Variants in ABCA7 observed in about 807,000 individuals in gnomAD.
ABCA7 encodes the protein ATP binding cassette subfamily A member 7.
A neutral mutation model predicts 227.6 loss-of-function variants in ABCA7; 261 were observed. The ratio of observed to expected loss-of-function variants is 1.15; its 90% CI spans 1.04 to 1.27. ABCA7 has a LOEUF of 1.27. Among genes scored for constraint, ABCA7 ranks in the 50% most tolerant of loss-of-function variants. The pLI is 0.00. For missense variants in ABCA7, 3,331 were observed against 2,924.5 expected (o/e 1.14, Z -3.21); for synonymous variants, 1,488 against 1,279.7 (o/e 1.16, Z -3.47).
intron 43 of ABCA7, 37 bp from the exon 44 acceptor site, chr19:1,063,723 G>T: frequency 6.4e-7 from 1 of 1,551,702 alleles, no homozygotes. Flanking sequence ...TGCGACGGAG[G>T]CGGGGCCTTG....
At position 1,048,898 on chromosome 19, in the gene ABCA7, A is replaced by G. The variant is rs765485280; in HGVS notation, c.2273A>G (p.Gln758Arg). Residue 758 changes from glutamine to arginine, a missense_variant, in exon 17 of 47, where the codon CAG (glutamine) becomes CGG (arginine). Gln to Arg is a conservative substitution (Grantham distance 43, BLOSUM62 1). Coordinates refer to ENST00000263094, the MANE Select transcript of ABCA7 (RefSeq NM_019112.4). ...TAACCCGCGCCCCTCCCCGCAGGCC[A>G]GTACGGGATCCCTGAACCATGGAAT... ...TWYLEAVCPG[Q>R]YGIPEPWNFP... 6.3e-7 allele frequency: 1 copy of G among 1,591,580 alleles called. No individual in the cohort carries two copies. Among genetic ancestry groups the G allele is most frequent in the Non-Finnish European group, 8.6e-7 (1 of 1,168,004 alleles).
Position 1,046,404 on chromosome 19 carries a change from C to T in ABCA7, c.1620C>T (p.Asp540=), listed in dbSNP as rs1555683688. Reference sequence around the variant, plus strand: ...TGCCCTATCCGTGCTATGTGGACGACGTGTGAGCTCTGGCACCCCTCCCCG... The same window carrying T: ...TGCCCTATCCGTGCTATGTGGACGATGTGTGAGCTCTGGCACCCCTCCCCG... ...QQMPYPCYVD[D]VFLRVLSRSL... is the part of the protein sequence containing the mutation. Residue 540 remains aspartate, a splice_region_variant and synonymous_variant, in exon 13 of 47, where the codon GAC becomes GAT. Transcript: ENST00000263094. 5 of 1,544,174 alleles carry T rather than the reference C, an allele frequency of 3.2e-6. No individual in the cohort carries two copies. The highest frequency in any genetic ancestry group is 2.3e-5 in the East Asian group (1 of 44,026).
In ABCA7 at chr19:1,050,911, C is replaced by G. The variant is rs751412143; in HGVS notation, c.2553-10C>G. ...TGAAGGGGGCTACTCTGAGACCCCT[C>G]TATCCACAGGTCCATCTTGAGTGGC... On this transcript the variant is annotated splice_polypyrimidine_tract_variant and intron_variant, in intron 18 of 46. Transcript: ENST00000263094. 2 of 1,587,578 alleles carry G rather than the reference C, an allele frequency of 1.3e-6. No individual in the cohort carries two copies. The highest frequency in any genetic ancestry group is 2.7e-5 in the African/African-American group (2 of 74,314).
In ABCA7 at chr19:1,044,595, G is replaced by C; in HGVS notation, c.1066G>C (p.Asp356His). The change falls in exon 11 of 47, where the codon GAT becomes CAT. Residue 356 changes from aspartate to histidine, a missense_variant. Physicochemically the swap from Asp to His is moderately conservative, Grantham distance 81 (BLOSUM62 -1). Coordinates refer to ENST00000263094, the MANE Select transcript of ABCA7 (RefSeq NM_019112.4). ...CCCCCAGCGGCTCCTGCAGATGCAG[G>C]ATGAAGGAAGAAGGCAGCCCAGACC... ...AMLQRLLQMQ[D>H]EGRRQPRPGG... 3 of 1,612,658 alleles carry C rather than the reference G, an allele frequency of 1.9e-6. No homozygotes were observed. Among genetic ancestry groups the C allele is most frequent in the Non-Finnish European group, 2.5e-6 (3 of 1,179,664 alleles).
Position 1,051,138 on chromosome 19 carries a change from CTG to C in ABCA7, c.2685-14_2685-13del, listed in dbSNP as rs9282562. ...TGCCTGCCATGTGGGTCACTCTGCT[CTG>C]TGCACTGGCCGCAGGCTGACCGTGG... On this transcript the variant is annotated splice_polypyrimidine_tract_variant and intron_variant, in intron 19 of 46. Coordinates refer to ENST00000263094, the MANE Select transcript of ABCA7 (RefSeq NM_019112.4). 158,921 of 1,611,232 alleles carry C rather than the reference CTG, an allele frequency of 0.099. 8,542 individuals are homozygous for C. The highest frequency in any genetic ancestry group is 0.11 in the Non-Finnish European group (130,991 of 1,179,864).
Position 1,055,102 on chromosome 19 carries a change from C to G in ABCA7, c.3956C>G (p.Ser1319Trp). The G allele has an allele frequency of 6.2e-7, 1 of 1,611,438 alleles. No individual in the cohort carries two copies. The highest frequency in any genetic ancestry group is 8.5e-7 in the Non-Finnish European group (1 of 1,178,772). The change falls in exon 30 of 47, where the codon TCG (serine) becomes TGG (tryptophan). Residue 1319 changes from serine to tryptophan, a missense_variant. Coordinates refer to ENST00000263094, the MANE Select transcript of ABCA7 (RefSeq NM_019112.4). ...GCACAGCCCATTGTCTGCAGGTTCT[C>G]GGCACCAGAAGTTCCTGCTGAAGTG... The part of the protein sequence containing the change: ...PPVQHSSHRF[S>W]APEVPAEVAK...
chr19:1,046,930 T>C lies in ABCA7; in HGVS notation c.1751T>C (p.Met584Thr). The C allele has an allele frequency of 6.4e-7, 1 of 1,562,694 alleles. No homozygotes were observed. The highest frequency in any genetic ancestry group is 8.6e-7 in the Non-Finnish European group (1 of 1,162,882). ...CGGCTGCGGGACACCATGCGCGCCA[T>C]GGGGCTCAGCCGCGCGGTGCTCTGG... ...ETRLRDTMRA[M>T]GLSRAVLWLG... is the part of the protein sequence containing the mutation. The change falls in exon 14 of 47, where the codon ATG becomes ACG. Residue 584 changes from methionine (M) to threonine (T), a missense_variant. Transcript: ENST00000263094.
In ABCA7 at chr19:1,051,170, G is replaced by A. The variant is rs937161473; in HGVS notation, c.2700G>A (p.Glu900=). Residue 900 remains glutamate, a synonymous_variant, in exon 20 of 47, where the codon GAG becomes GAA. Coordinates refer to ENST00000263094, the MANE Select transcript of ABCA7 (RefSeq NM_019112.4). The stretch of plus-strand genomic sequence containing the variant: ...CTGGCCGCAGGCTGACCGTGGACGA[G>A]CACGTCTGGTTCTATGGGCGGCTGA... The part of the protein sequence containing the change: ...NVLFDMLTVD[E]HVWFYGRLKG... The A allele has an allele frequency of 1.2e-6, 2 of 1,611,266 alleles. No individual in the cohort carries two copies. Among genetic ancestry groups the A allele is most frequent in the Non-Finnish European group, 1.7e-6 (2 of 1,179,926 alleles).
At chr19:1,055,612 C>T in intron 30 of ABCA7, among the ~76,000 whole-genome samples, 1 of 149,842 alleles carries the variant, frequency 6.7e-6, no homozygotes, top group Non-Finnish European at 1.5e-5. Context: ...AAGCGATTCT[C>T]CTCCCTCAGC....
Position 1,057,877 on chromosome 19 carries a change from C to A in ABCA7, c.4881-38C>A, listed in dbSNP as rs762566217. Reference sequence around the variant, plus strand: ...TTTATTCCTCTCAGGGCTTCTCAGTCTGAGTGGTTACTCCAGTGACTCCTA... The same window carrying A: ...TTTATTCCTCTCAGGGCTTCTCAGTATGAGTGGTTACTCCAGTGACTCCTA... On this transcript the variant is annotated intron_variant, in intron 35 of 46. Transcript: ENST00000263094. The A allele has an allele frequency of 2.1e-5, 34 of 1,611,776 alleles. No homozygotes were observed. The South Asian group carries it at 3.7e-4, about 18-fold the overall frequency.
chr19:1,047,542 G>C lies in ABCA7; in HGVS notation c.2157G>C (p.Val719=). 2 of 1,599,630 alleles carry C rather than the reference G, an allele frequency of 1.3e-6. No homozygotes were observed. The highest frequency in any genetic ancestry group is 1.7e-6 in the Non-Finnish European group (2 of 1,177,990). The change falls in exon 16 of 47, where the codon GTG becomes GTC. Residue 719 remains valine, a synonymous_variant. Coordinates refer to ENST00000263094, the MANE Select transcript of ABCA7 (RefSeq NM_019112.4). ...GCGAGGGCGCGCAGTGGCACAACGTGGGCACCCGGCCTACGGCAGACGTCT... is the reference window on the plus strand; with the variant it reads ...GCGAGGGCGCGCAGTGGCACAACGTCGGCACCCGGCCTACGGCAGACGTCT... ...EQGEGAQWHN[V]GTRPTADVFS... is the part of the protein sequence containing the mutation.
In ABCA7 at chr19:1,062,249, C is replaced by T. The variant is rs376794328; in HGVS notation, c.5648C>T (p.Thr1883Met). The change falls in exon 42 of 47, where the codon ACG becomes ATG. Residue 1883 changes from threonine (T) to methionine (M), a missense_variant. Coordinates refer to ENST00000263094, the MANE Select transcript of ABCA7 (RefSeq NM_019112.4). ...PQSDAIFELL[T>M]GREHLELLAR... is the part of the protein sequence containing the mutation. ...TCCGATGCCATCTTTGAGCTGCTGA[C>T]GGGCCGCGAGCACCTGGAGCTGCTT... 5.0e-5 allele frequency: 80 copies of T among 1,611,824 alleles called. No homozygotes were observed. The highest frequency in any genetic ancestry group is 2.5e-4 in the African/African-American group (19 of 75,014).
At position 1,065,455 on chromosome 19, in the gene ABCA7, G is replaced by A; in HGVS notation, c.*30G>A. Reference sequence around the variant, plus strand: ...CCCTCCCCTGCGGGGCCGCGGGGAGGCCCTGGGAATGGCAAGGGCAAGGTA... The same window carrying A: ...CCCTCCCCTGCGGGGCCGCGGGGAGACCCTGGGAATGGCAAGGGCAAGGTA... On this transcript the variant is annotated 3_prime_UTR_variant, in exon 47 of 47. Transcript: ENST00000263094. 6.2e-7 allele frequency: 1 copy of A among 1,611,076 alleles called. No individual in the cohort carries two copies. Among genetic ancestry groups the A allele is most frequent in the Non-Finnish European group, 8.5e-7 (1 of 1,178,666 alleles).
Position 1,047,635 on chromosome 19 carries a change from CCTGGAAG to C in ABCA7, c.2254_2260del (p.Glu752CysfsTer43). 6.3e-7 allele frequency: 1 copy of C among 1,598,018 alleles called. No individual in the cohort carries two copies. The highest frequency in any genetic ancestry group is 8.5e-7 in the Non-Finnish European group (1 of 1,177,038). ...CGCTCTACGGCCTCGCCACCTGGTA[CCTGGAAG>C]CTGTGTGCCCAGGTGGGCCGTAGGG... On this transcript the variant is annotated frameshift_variant, in exon 16 of 47. Coordinates refer to ENST00000263094, the MANE Select transcript of ABCA7 (RefSeq NM_019112.4). LOFTEE classifies it high-confidence loss of function.
At chr19:1,045,292 G>C in intron 12 of ABCA7, 61 bp downstream of exon 12, 1 of 1,453,706 alleles carries the variant, frequency 6.9e-7, no homozygotes, top group Middle Eastern at 2.2e-4. Flanking sequence ...CGTGGTGGGT[G>C]GGGCCAGGCA....
Position 1,043,384 on chromosome 19 carries a change from C to T in ABCA7, c.841C>T (p.Arg281Cys), listed in dbSNP as rs1337413415. ...AGCCCTGGACAGCCACCCGCTGTCC[C>T]GCCTGCTCTGGAGACGCCTGAAGCC... ...IGALDSHPLS[R>C]LLWRRLKPLI... The change falls in exon 9 of 47, where the codon CGC becomes TGC. Residue 281 changes from arginine to cysteine, a missense_variant. Arg to Cys is a radical substitution (Grantham distance 180). Coordinates refer to ENST00000263094, the MANE Select transcript of ABCA7 (RefSeq NM_019112.4). 6.8e-6 allele frequency: 11 copies of T among 1,613,158 alleles called. No homozygotes were observed. Among genetic ancestry groups the T allele is most frequent in the South Asian group, 4.4e-5 (4 of 91,094 alleles).
In ABCA7 at chr19:1,054,152, C is replaced by G. The variant is rs1244383882; in HGVS notation, c.3578-41C>G. The G allele has an allele frequency of 1.2e-6, 2 of 1,612,246 alleles. No homozygotes were observed. Among genetic ancestry groups the G allele is most frequent in the African/African-American group, 1.3e-5 (1 of 74,860 alleles). On this transcript the variant is annotated intron_variant, in intron 26 of 46. Coordinates refer to ENST00000263094, the MANE Select transcript of ABCA7 (RefSeq NM_019112.4). This position sits in a 1 kb window ranked among gnomAD's most constrained non-coding sequence, Gnocchi z 4.8. ...GGCCCTGGGGTCCTCCCAGCCACCC[C>G]CCCACAGCAGCGTGAGCACTGACCC...
intron 16 of ABCA7, 40 bp from the exon 17 acceptor site, chr19:1,048,854 TG>T: frequency 1.3e-5 from 15 of 1,196,958 alleles, no homozygotes; most frequent in Middle Eastern, 2.0e-4. Context: ...GGTACACTCC[TG>T]GGGGGTGGGC....
rs755304837 is a variant in ABCA7 at position 1,044,998 on chromosome 19, A to G, written c.1216-4A>G. 6 of 1,612,224 alleles carry G rather than the reference A, an allele frequency of 3.7e-6. No homozygotes were observed. The Admixed American group carries it at 5.0e-5, about 13-fold the overall frequency. ...CGCCTAGGACTCACCCCCGCATCCC[A>G]CAGTGCCTGTCCTTGGACAAGCTGG... is the stretch of plus-strand genomic sequence containing the variant. On this transcript the variant is annotated splice_region_variant and splice_polypyrimidine_tract_variant and intron_variant, in intron 11 of 46. Coordinates refer to ENST00000263094, the MANE Select transcript of ABCA7 (RefSeq NM_019112.4).
Sources: gnomAD v4.1 joint callset for allele counts (sites outside exome capture counted in the v4.1 genomes callset) on GRCh38, gnomAD v4.1.1 for gene constraint, Gnocchi (gnomAD v3.1) non-coding constraint, MANE v1.5 for transcripts, NCBI Gene and HGNC (gene_info 2026-07-23, HGNC 2026-07-21) for gene names.